EXOC3L2: variants seen among roughly 807,000 people sequenced by gnomAD.
The protein encoded by EXOC3L2 is exocyst complex component 3 like 2.
EXOC3L2 carries 17 observed loss-of-function variants against 44.4 expected under a neutral mutation model. The ratio of observed to expected loss-of-function variants is 0.38; its 90% CI spans 0.26 to 0.57. The LOEUF (loss-of-function observed/expected upper bound fraction) is 0.57, where lower values mean the gene tolerates loss of function less well. Among genes scored for constraint, EXOC3L2 ranks in the 20% least tolerant of loss-of-function variants. EXOC3L2 has a pLI of 0.65. For synonymous variants in EXOC3L2, 256 were observed against 253.7 expected (o/e 1.01, Z -0.09); for missense variants, 541 against 588.4 (o/e 0.92, Z 0.83).
intron 10 of EXOC3L2, 68 bp from the exon 11 acceptor site, chr19:45,216,262 G>A (rs1162544979): frequency 8.3e-6 from 13 of 1,573,886 alleles, no homozygotes; most frequent in South Asian, 1.2e-5. Context: ...TGCCCCTCCT[G>A]GCTTGTTATA....
rs373668228 is a variant in EXOC3L2 at position 45,213,160 on chromosome 19, C to T, written c.2318G>A (p.Arg773His). The T allele has an allele frequency of 5.0e-5, 80 of 1,590,300 alleles. No individual in the cohort carries two copies. Among genetic ancestry groups the T allele is most frequent in the African/African-American group, 2.2e-4 (16 of 74,022 alleles). ...FCLSLPLFLG[R>H]LPLSRLARPS... Reference sequence around the variant, plus strand: ...CCTGGCCAGCCGGGAGAGGGGGAGGCGGCCCAGGAAGAGAGGGAGGCTGAG... The same window carrying T: ...CCTGGCCAGCCGGGAGAGGGGGAGGTGGCCCAGGAAGAGAGGGAGGCTGAG... The change falls in exon 12 of 12, where the codon CGC becomes CAC. Residue 773 changes from arginine (R) to histidine (H), a missense_variant. Physicochemically the swap from Arg to His is conservative, Grantham distance 29. Coordinates refer to ENST00000413988, the MANE Select transcript of EXOC3L2 (RefSeq NM_001382422.1).
intron 1 of EXOC3L2, among the ~76,000 whole-genome samples, chr19:45,242,429 T>A (rs1404282009): frequency 6.6e-6 from 1 of 151,992 alleles, no homozygotes; most frequent in Non-Finnish European, 1.5e-5. Flanking sequence ...TGTTTAATTT[T>A]TTGTTATAGA....
At chr19:45,217,473 A>G in intron 10 of EXOC3L2, 55 bp downstream of exon 10, 2 of 1,479,330 alleles carry the variant, frequency 1.4e-6, no homozygotes, top group Non-Finnish European at 1.8e-6. Context: ...AGATTCTCGG[A>G]AGCCAAGCCT....
intron 10 of EXOC3L2, chr19:45,216,792 T>C (rs1031541221): frequency 1.3e-5 from 2 of 152,186 alleles, no homozygotes; most frequent in Admixed American, 6.6e-5. Flanking sequence ...CCCTGCATTC[T>C]TTCTTACATC....
At chr19:45,217,487 C>G (rs776755078) in intron 10 of EXOC3L2, 41 bp downstream of exon 10, 2 of 1,536,016 alleles carry the variant, frequency 1.3e-6, no homozygotes, top group Non-Finnish European at 1.7e-6. Flanking sequence ...CAAGCCTTGT[C>G]CTGGTTTCTG....
At chr19:45,216,572 CTG>C (rs1969837610) in intron 10 of EXOC3L2, 1 of 155,716 alleles carries the variant, frequency 6.4e-6, no homozygotes, top group South Asian at 2.0e-4. Context: ...GAGCGAGACT[CTG>C]TCTCAAAAAT....
At position 45,238,324 on chromosome 19, in the gene EXOC3L2, C is replaced by T. The variant is rs746481896; in HGVS notation, c.523+199G>A. 1.3e-5 allele frequency among the ~76,000 whole-genome samples: 2 copies of T among 151,950 alleles called. No individual in the cohort carries two copies. The highest frequency in any genetic ancestry group is 4.8e-5 in the African/African-American group (2 of 41,364). On this transcript the variant is annotated intron_variant, in intron 2 of 11. Coordinates refer to ENST00000413988, the MANE Select transcript of EXOC3L2 (RefSeq NM_001382422.1). This position sits in a 1 kb window ranked among gnomAD's most constrained non-coding sequence, Gnocchi z 5.5. ...AGGTGGCACTGAAGAGAAAGGTTGA[C>T]GACAGGGATTAGGACTGCAGTGGTA...
intron 7 of EXOC3L2, among the ~76,000 whole-genome samples, chr19:45,227,406 C>T (rs1969976426): frequency 2.0e-5 from 3 of 152,176 alleles, no homozygotes; most frequent in Admixed American, 6.6e-5. Context: ...CAGGCATGAG[C>T]CACTGTGCCC....
intron 9 of EXOC3L2, 47 bp from the exon 10 acceptor site, chr19:45,217,730 G>A (rs944804830): frequency 2.2e-6 from 3 of 1,382,852 alleles, no homozygotes; most frequent in Non-Finnish European, 2.8e-6. Flanking sequence ...CATGCCCCAC[G>A]GACTCCCATC....
In EXOC3L2 at chr19:45,238,564, G is replaced by C; in HGVS notation, c.482C>G (p.Pro161Arg). Residue 161 changes from proline (P) to arginine (R), a missense_variant, in exon 2 of 12, where the codon CCC (proline) becomes CGC (arginine). Pro to Arg is a moderately radical substitution (Grantham distance 103). Coordinates refer to ENST00000413988, the MANE Select transcript of EXOC3L2 (RefSeq NM_001382422.1). The surrounding 1 kb of genome is among the most constrained non-coding windows in gnomAD (Gnocchi z 5.5). The stretch of plus-strand genomic sequence containing the variant: ...CATCTTTGGGGGCTCTGGGACCTTG[G>C]GTGGGGGCTCTGGAGCTGCCTCGCC... ...PAGEAAPEPP[P>R]KVPEPPKMKE... 5.0e-6 allele frequency: 2 copies of C among 399,914 alleles called. No homozygotes were observed. The highest frequency in any genetic ancestry group is 4.4e-5 in the Admixed American group (1 of 22,750). 24.8% of individuals were successfully genotyped at this position (399,914 alleles called of 1,614,324 possible).
At chr19:45,241,808 C>T (rs1970133995) in intron 1 of EXOC3L2, among the ~76,000 whole-genome samples, 1 of 152,196 alleles carries the variant, frequency 6.6e-6, no homozygotes, top group Admixed American at 6.5e-5. Flanking sequence ...TCCCTGGGTT[C>T]CCACACCTCA....
At chr19:45,223,773 C>T (rs1329077218) in intron 8 of EXOC3L2, among the ~76,000 whole-genome samples, 1 of 151,264 alleles carries the variant, frequency 6.6e-6, no homozygotes, top group Non-Finnish European at 1.5e-5. Context: ...GGGCAGATCA[C>T]ATGAGGCCAG....
intron 8 of EXOC3L2, among the ~76,000 whole-genome samples, chr19:45,223,316 C>A (rs1010855985): frequency 6.6e-6 from 1 of 151,720 alleles, no homozygotes. Context: ...AGCAGGGAGT[C>A]GGGAGGGGGG....
chr19:45,227,789 G>A lies in EXOC3L2; in HGVS notation c.1473-17C>T. Reference sequence around the variant, plus strand: ...TGCTGGAAGCTGGTGGGAGGAAAGGGGACAGATAGGGCGCCACTGGGTCAG... The same window carrying A: ...TGCTGGAAGCTGGTGGGAGGAAAGGAGACAGATAGGGCGCCACTGGGTCAG... On this transcript the variant is annotated splice_polypyrimidine_tract_variant and intron_variant, in intron 6 of 11. Transcript: ENST00000413988. The A allele has an allele frequency of 3.1e-6, 5 of 1,602,310 alleles. No homozygotes were observed. The highest frequency in any genetic ancestry group is 4.3e-6 in the Non-Finnish European group (5 of 1,174,948).
chr19:45,242,238 C>A (rs147326350), intron 1 of EXOC3L2, among the ~76,000 whole-genome samples: 1,733 of 152,256 alleles, frequency 0.011, 18 homozygotes, highest in Non-Finnish European at 0.019. Flanking sequence ...CTCACACAAT[C>A]ATTTGCTCTC....
intron 1 of EXOC3L2, among the ~76,000 whole-genome samples, chr19:45,244,983 T>TA: frequency 6.6e-6 from 1 of 151,846 alleles, no homozygotes; most frequent in Non-Finnish European, 1.5e-5. Flanking sequence ...ATAGAACAAA[T>TA]ACCCGATCCT....
intron 8 of EXOC3L2, among the ~76,000 whole-genome samples, chr19:45,220,856 G>C (rs1201575564): frequency 6.6e-6 from 1 of 151,866 alleles, no homozygotes; most frequent in Non-Finnish European, 1.5e-5. Flanking sequence ...CTGGAAAAAA[G>C]GGGAAAGTGG....
chr19:45,234,140 A>G lies in EXOC3L2; in HGVS notation c.1157+53T>C, dbSNP rs187672817. Reference sequence around the variant, plus strand: ...CTTAAGGTCTGAAGAAGCCAGTGCTAGGGGGTAGGGCTGAGGGTTTCACGT... The same window carrying G: ...CTTAAGGTCTGAAGAAGCCAGTGCTGGGGGGTAGGGCTGAGGGTTTCACGT... On this transcript the variant is annotated intron_variant, in intron 3 of 11. Transcript: ENST00000413988. This position sits in a 1 kb window ranked among gnomAD's most constrained non-coding sequence, Gnocchi z 5.0. 6.6e-4 allele frequency: 255 copies of G among 385,714 alleles called. 2 individuals carry two copies. The highest frequency in any genetic ancestry group is 4.9e-3 in the African/African-American group (236 of 48,060). 23.9% of individuals were successfully genotyped at this position (385,714 alleles called of 1,614,324 possible). A position where few individuals can be genotyped will look rare whatever the true frequency, so the allele number is the denominator to read the frequency against.
In EXOC3L2 at chr19:45,212,440, TTGAGG is replaced by T. The variant is rs1444548807; in HGVS notation, c.*624_*628del. On this transcript the variant is annotated 3_prime_UTR_variant, in exon 12 of 12. Coordinates refer to ENST00000413988, the MANE Select transcript of EXOC3L2 (RefSeq NM_001382422.1). ...TAATACATTGGATTGGGGCCAGACC[TTGAGG>T]TGAGGGAAAGGGGCGGGGGAGCTGG... is the stretch of plus-strand genomic sequence containing the variant. Among the ~76,000 whole-genome samples, 3 of 152,172 alleles carry T rather than the reference TTGAGG, an allele frequency of 2.0e-5. No individual in the cohort carries two copies. Among genetic ancestry groups the T allele is most frequent in the African/African-American group, 7.2e-5 (3 of 41,522 alleles).
Sources: gnomAD v4.1 joint callset for allele counts (sites outside exome capture counted in the v4.1 genomes callset) on GRCh38, gnomAD v4.1.1 for gene constraint, Gnocchi (gnomAD v3.1) non-coding constraint, MANE v1.5 for transcripts, NCBI Gene and HGNC (gene_info 2026-07-23, HGNC 2026-07-21) for gene names.